Variants in METTL13 observed in about 807,000 individuals in gnomAD.
METTL13 encodes eEF1A lysine and N-terminal methyltransferase.
A neutral mutation model predicts 67.4 loss-of-function variants in METTL13; 52 were observed. The ratio of observed to expected loss-of-function variants is 0.77; its 90% CI spans 0.62 to 0.97. METTL13 has a LOEUF of 0.97. Ranked by LOEUF, METTL13 falls within the 50% of genes least tolerant of loss-of-function variation. METTL13 has a pLI of 0.00. For missense variants in METTL13, 825 were observed against 889.6 expected (o/e 0.93, Z 0.92); for synonymous variants, 354 against 353.6 (o/e 1.00, Z -0.01).
Position 171,781,747 on chromosome 1 carries a change from A to AGG in METTL13, c.-217_-216dup, listed in dbSNP as rs2124894085. On this transcript the variant is annotated 5_prime_UTR_variant, in exon 1 of 8. Coordinates refer to ENST00000361735, the MANE Select transcript of METTL13 (RefSeq NM_015935.5). ...GGGGAAGGAACAGCAGGCGCGGAGG[A>AGG]GGGGGCAAGCGTGTGTGAGATTCAG... 4 of 1,339,978 alleles carry AGG rather than the reference A, an allele frequency of 3.0e-6. No homozygotes were observed. In the East Asian group the frequency reaches 1.2e-4, roughly 40 times the overall value. 83.0% of individuals were successfully genotyped at this position (1,339,978 alleles called of 1,614,324 possible). A position where few individuals can be genotyped will look rare whatever the true frequency, so the allele number is the denominator to read the frequency against.
intron 4 of METTL13, among the ~76,000 whole-genome samples, chr1:171,788,619 G>A (rs979825481): frequency 1.3e-5 from 2 of 152,136 alleles, no homozygotes; most frequent in African/African-American, 2.4e-5. Context: ...AAACTCCCCC[G>A]ATGGGGAATC....
chr1:171,797,034 C>T lies in METTL13; in HGVS notation c.*278C>T. The T allele has an allele frequency of 2.4e-6, 1 of 412,118 alleles. No homozygotes were observed. The highest frequency in any genetic ancestry group is 2.5e-5 in the South Asian group (1 of 39,268). The allele number at this position is 412,118 out of a possible 1,614,324, so 25.5% of individuals were successfully genotyped here. On this transcript the variant is annotated 3_prime_UTR_variant, in exon 8 of 8. Transcript: ENST00000361735. ...GTTCCCTGCTGAAGCCCCTAGCACA[C>T]ACTGCATGCCTTAACAAGTGTGTGC...
intron 2 of METTL13, among the ~76,000 whole-genome samples, chr1:171,785,055 C>T (rs1419236193): frequency 6.6e-6 from 1 of 152,162 alleles, no homozygotes; most frequent in Non-Finnish European, 1.5e-5. Flanking sequence ...TGACATTAGA[C>T]AGGTTACTTT....
chr1:171,793,949 GA>G (rs1657283258), intron 6 of METTL13, among the ~76,000 whole-genome samples: 1 of 152,198 alleles, frequency 6.6e-6, no homozygotes, highest in Non-Finnish European at 1.5e-5. Flanking sequence ...GAAAGCTCAA[GA>G]AAAATACCAG....
At chr1:171,788,269 A>G (rs1217203197) in intron 4 of METTL13, among the ~76,000 whole-genome samples, 1 of 152,190 alleles carries the variant, frequency 6.6e-6, no homozygotes, top group Non-Finnish European at 1.5e-5. Flanking sequence ...GTTGCAGGTG[A>G]GCCCTGCCCT....
At position 171,790,627 on chromosome 1, in the gene METTL13, T is replaced by G; in HGVS notation, c.1474+11T>G. On this transcript the variant is annotated intron_variant, in intron 5 of 7. Coordinates refer to ENST00000361735, the MANE Select transcript of METTL13 (RefSeq NM_015935.5). ...CAGAGCTACTCCTAGGTGAGAGAGA[T>G]GCCACTGCCTTCCACAGAAGGGAGC... 1 of 1,516,436 alleles carries G rather than the reference T, an allele frequency of 6.6e-7. No homozygotes were observed. Among genetic ancestry groups the G allele is most frequent in the South Asian group, 1.3e-5 (1 of 75,576 alleles). The allele number at this position is 1,516,436 out of a possible 1,614,324, so 93.9% of individuals were successfully genotyped here.
intron 6 of METTL13, among the ~76,000 whole-genome samples, chr1:171,793,012 A>C (rs749052150): frequency 6.6e-6 from 1 of 152,228 alleles, no homozygotes; most frequent in Non-Finnish European, 1.5e-5. Flanking sequence ...TAACTCTGCT[A>C]TTATACAGAT....
At position 171,792,211 on chromosome 1, in the gene METTL13, G is replaced by A. The variant is rs772705665; in HGVS notation, c.1669G>A (p.Ala557Thr). 44 of 1,614,064 alleles carry A rather than the reference G, an allele frequency of 2.7e-5. No homozygotes were observed. Among genetic ancestry groups the A allele is most frequent in the East Asian group, 1.1e-4 (5 of 44,900 alleles). ...VHIADGLDYI[A>T]SLAGGGEARP... ...CATTGCAGATGGCCTGGACTATATC[G>A]CCAGCTTGGCAGGAGGAGGAGAAGG... Residue 557 changes from alanine (A) to threonine (T), a missense_variant, in exon 6 of 8, where the codon GCC becomes ACC. Ala to Thr is a moderately conservative substitution (Grantham distance 58). Transcript: ENST00000361735.
Position 171,781,850 on chromosome 1 carries a change from T to C in METTL13, c.-118T>C, listed in dbSNP as rs1656829630. 6.6e-7 allele frequency: 1 copy of C among 1,521,238 alleles called. No homozygotes were observed. The highest frequency in any genetic ancestry group is 8.8e-7 in the Non-Finnish European group (1 of 1,135,842). The allele number at this position is 1,521,238 out of a possible 1,614,324, so 94.2% of individuals were successfully genotyped here. A position where few individuals can be genotyped will look rare whatever the true frequency, so the allele number is the denominator to read the frequency against. ...GGGAACAAATCAATGTGGCTGTTTT[T>C]CCGTGGAAAGAATTCCCACTGCAGT... On this transcript the variant is annotated 5_prime_UTR_variant, in exon 1 of 8. Coordinates refer to ENST00000361735, the MANE Select transcript of METTL13 (RefSeq NM_015935.5).
intron 5 of METTL13, 22 bp from the exon 6 acceptor site, chr1:171,791,995 A>G (rs769974015): frequency 4.3e-6 from 7 of 1,611,738 alleles, no homozygotes; most frequent in Middle Eastern, 2.2e-4. Flanking sequence ...TGGCAATGTG[A>G]TGCTCTATTC....
chr1:171,796,654 A>T lies in METTL13; in HGVS notation c.1998A>T (p.Leu666=), dbSNP rs1455718890. ...PEQKLATPEL[L]ETAQALERTL... is the part of the protein sequence containing the mutation. The stretch of plus-strand genomic sequence containing the variant: ...AAAAACTTGCCACACCAGAGCTCCT[A>T]GAAACAGCCCAGGCTTTGGAGCGGA... The change falls in exon 8 of 8, where the codon CTA becomes CTT. Residue 666 remains leucine, a synonymous_variant. Transcript: ENST00000361735. 1 of 1,614,174 alleles carries T rather than the reference A, an allele frequency of 6.2e-7. No individual in the cohort carries two copies. Among genetic ancestry groups the T allele is most frequent in the African/African-American group, 1.3e-5 (1 of 75,056 alleles).
In METTL13 at chr1:171,782,112, A is replaced by G. The variant is rs1433886958; in HGVS notation, c.145A>G (p.Arg49Gly). 2 of 1,613,660 alleles carry G rather than the reference A, an allele frequency of 1.2e-6. No homozygotes were observed. Among genetic ancestry groups the G allele is most frequent in the African/African-American group, 2.7e-5 (2 of 74,910 alleles). The stretch of plus-strand genomic sequence containing the variant: ...GGTGCTACATAAATATATCAAGCCC[A>G]GGGAAAAGGTGAGGAGCGCGGGTTG... ...CGVLHKYIKP[R>G]EKVLVIGCGN... The change falls in exon 1 of 8, where the codon AGG becomes GGG. Residue 49 changes from arginine to glycine, a missense_variant. Transcript: ENST00000361735.
At chr1:171,788,862 G>C (rs1657110584) in intron 4 of METTL13, among the ~76,000 whole-genome samples, 1 of 152,222 alleles carries the variant, frequency 6.6e-6, no homozygotes, top group Non-Finnish European at 1.5e-5. Context: ...AGGCCATCTG[G>C]GAGGAGGGTG....
Position 171,782,084 on chromosome 1 carries a change from C to T in METTL13, c.117C>T (p.Cys39=), listed in dbSNP as rs1360903272. ...FEWYGTYLEL[C]GVLHKYIKPR... ...GGTATGGAACCTACCTGGAACTGTG[C>T]GGGGTGCTACATAAATATATCAAGC... The change falls in exon 1 of 8, where the codon TGC becomes TGT. Residue 39 remains cysteine, a synonymous_variant. Transcript: ENST00000361735. 1.9e-6 allele frequency: 3 copies of T among 1,613,984 alleles called. No individual in the cohort carries two copies. The highest frequency in any genetic ancestry group is 2.5e-6 in the Non-Finnish European group (3 of 1,179,962).
At chr1:171,790,142 G>T (rs1348957465) in intron 4 of METTL13, among the ~76,000 whole-genome samples, 2 of 152,116 alleles carry the variant, frequency 1.3e-5, no homozygotes, top group East Asian at 3.9e-4. Flanking sequence ...TTCAACAACA[G>T]CTCTAGAGTG....
chr1:171,782,639 C>A (rs991437516), intron 1 of METTL13, among the ~76,000 whole-genome samples: 2 of 152,034 alleles, frequency 1.3e-5, no homozygotes, highest in Admixed American at 1.3e-4. Flanking sequence ...GGATTAATAA[C>A]CCTACTTGAA....
intron 1 of METTL13, 147 bp from the exon 2 acceptor site, chr1:171,783,593 C>A: frequency 1.1e-6 from 1 of 892,280 alleles, no homozygotes; most frequent in Non-Finnish European, 1.7e-6. Flanking sequence ...CTAGCATCAA[C>A]TCTACAATGT....
intron 7 of METTL13, among the ~76,000 whole-genome samples, chr1:171,795,966 A>G (rs1657357011): frequency 6.6e-6 from 1 of 152,012 alleles, no homozygotes; most frequent in Non-Finnish European, 1.5e-5. Flanking sequence ...CCTCAGCCCC[A>G]CTAGCAGCTC....
chr1:171,792,595 T>G (rs1306576527), intron 6 of METTL13, among the ~76,000 whole-genome samples: 1 of 152,220 alleles, frequency 6.6e-6, no homozygotes, highest in East Asian at 1.9e-4. Flanking sequence ...GGGAGGTATT[T>G]TTGTAAATAT....
Sources: allele counts gnomAD v4.1 joint callset (sites outside exome capture counted in the v4.1 genomes callset), GRCh38; gene constraint gnomAD v4.1.1; transcripts MANE v1.5; gene names NCBI Gene and HGNC (gene_info 2026-07-23, HGNC 2026-07-21).